The following ADAMTSL1 variants were observed in gnomAD, a reference collection of about 807,000 sequenced individuals.
ADAMTSL1 encodes the protein ADAMTS like 1.
Under a neutral mutation model 201.8 loss-of-function variants are expected in ADAMTSL1, and 126 were observed. That is an observed-to-expected ratio of 0.62 (90% CI 0.54 to 0.72). The LOEUF is 0.72. Among genes scored for constraint, ADAMTSL1 ranks in the 30% least tolerant of loss-of-function variants. The probability of loss-of-function intolerance (pLI) is 0.00; values close to 1 mark genes in which losing one functional copy is unlikely to be tolerated. For synonymous variants in ADAMTSL1, 1,121 were observed against 903.4 expected (o/e 1.24, Z -4.32); for missense variants, 2,679 against 2,277.8 (o/e 1.18, Z -3.59).
intron 8 of ADAMTSL1, among the ~76,000 whole-genome samples, chr9:18,660,937 A>C (rs1829052681): frequency 6.6e-6 from 1 of 152,178 alleles, no homozygotes; most frequent in Non-Finnish European, 1.5e-5. Context: ...TCCCTTAATG[A>C]TTTAAATCTT....
At chr9:18,529,530 A>G (rs148383821) in intron 2 of ADAMTSL1, among the ~76,000 whole-genome samples, 6 of 152,298 alleles carry the variant, frequency 3.9e-5, no homozygotes, top group Non-Finnish European at 7.4e-5. Context: ...TTAAATAGGA[A>G]TAATAAAATT....
intron 1 of ADAMTSL1, among the ~76,000 whole-genome samples, chr9:17,946,219 A>T (rs1403078049): frequency 6.6e-6 from 1 of 151,454 alleles, no homozygotes; most frequent in Non-Finnish European, 1.5e-5. Flanking sequence ...GGCTGGTCTC[A>T]AACTCCCGGG....
At chr9:18,730,963 T>C (rs1003396822) in intron 15 of ADAMTSL1, among the ~76,000 whole-genome samples, 1 of 152,368 alleles carries the variant, frequency 6.6e-6, no homozygotes, top group African/African-American at 2.4e-5. Context: ...TGACACTTAC[T>C]CCACTATTAG....
chr9:18,299,057 C>T (rs540907643), intron 2 of ADAMTSL1, among the ~76,000 whole-genome samples: 81 of 151,664 alleles, frequency 5.3e-4, no homozygotes, highest in African/African-American at 1.8e-3. Flanking sequence ...GCCGTTTTTG[C>T]TAAGCAACAT....
At chr9:18,094,449 C>T (rs1294251326) in intron 1 of ADAMTSL1, among the ~76,000 whole-genome samples, 1 of 152,158 alleles carries the variant, frequency 6.6e-6, no homozygotes, top group Non-Finnish European at 1.5e-5. Flanking sequence ...CCCATACACC[C>T]TTCACTAATG....
chr9:18,504,325 G>A (rs1240122025), intron 1 of ADAMTSL1, among the ~76,000 whole-genome samples: 1 of 152,172 alleles, frequency 6.6e-6, no homozygotes, highest in Admixed American at 6.5e-5. Context: ...TATTTGTATA[G>A]TTATTCCAAC....
chr9:18,760,583 C>T (rs1467275019), intron 16 of ADAMTSL1, among the ~76,000 whole-genome samples: 1 of 152,182 alleles, frequency 6.6e-6, no homozygotes, highest in African/African-American at 2.4e-5. Context: ...CCTATGCTGC[C>T]TGAGTCATTT....
At chr9:18,492,912 G>A (rs2131863260) in intron 1 of ADAMTSL1, among the ~76,000 whole-genome samples, 1 of 152,196 alleles carries the variant, frequency 6.6e-6, no homozygotes, top group East Asian at 1.9e-4. Context: ...TCCCTGTTTA[G>A]AAGTTTTTGC....
intron 4 of ADAMTSL1, among the ~76,000 whole-genome samples, chr9:18,577,408 C>T (rs1359828676): frequency 6.6e-6 from 1 of 152,146 alleles, no homozygotes; most frequent in Non-Finnish European, 1.5e-5. Flanking sequence ...ATGGCTTAAA[C>T]CTGGGAGGCA....
intron 2 of ADAMTSL1, among the ~76,000 whole-genome samples, chr9:18,287,814 G>A (rs1217113457): frequency 6.9e-6 from 1 of 145,656 alleles, no homozygotes; most frequent in Admixed American, 7.1e-5. Flanking sequence ...GAACCATAGT[G>A]GAACACTAAT....
At chr9:18,537,398 G>T (rs1819840182) in intron 3 of ADAMTSL1, among the ~76,000 whole-genome samples, 1 of 152,174 alleles carries the variant, frequency 6.6e-6, no homozygotes, top group Non-Finnish European at 1.5e-5. Context: ...TAGTGCAAAG[G>T]CTGTGAAGTA....
chr9:18,673,940 T>A (rs960556564), intron 9 of ADAMTSL1, among the ~76,000 whole-genome samples: 5 of 152,070 alleles, frequency 3.3e-5, no homozygotes, highest in Middle Eastern at 3.4e-3. Context: ...GAAAAAAAAA[T>A]TCCCTTTATT....
rs559774555 is a variant in ADAMTSL1 at position 18,092,319 on chromosome 9, C to T, written c.88-71543C>T. Among the ~76,000 whole-genome samples the T allele has an allele frequency of 3.3e-5, 5 of 151,974 alleles. No individual in the cohort carries two copies. In the East Asian group the frequency reaches 5.8e-4, roughly 18 times the overall value. On this transcript the variant is annotated intron_variant, in intron 1 of 29. Coordinates refer to the ADAMTSL1 transcript ENST00000680146. ...GACAGAGATTATCTCTCTGGGAAGG[C>T]GAGGAAGGCTTCGCAAAGGAAGTGA...
chr9:18,622,235 C>A lies in ADAMTSL1; in HGVS notation c.475-8C>A, dbSNP rs1387211013. ...TTGGTTGAATTACACATCTCTCTTT[C>A]TTGTTAGATTGTTGGCTGCGATCAC... On this transcript the variant is annotated splice_region_variant and splice_polypyrimidine_tract_variant and intron_variant, in intron 4 of 28. Transcript: ENST00000380548. The A allele has an allele frequency of 6.2e-6, 10 of 1,613,274 alleles. No individual in the cohort carries two copies. In the East Asian group the frequency reaches 2.2e-4, roughly 36 times the overall value.
At chr9:18,323,473 C>G (rs914699078) in intron 2 of ADAMTSL1, among the ~76,000 whole-genome samples, 1 of 151,942 alleles carries the variant, frequency 6.6e-6, no homozygotes, top group Non-Finnish European at 1.5e-5. Context: ...TAAATTAGAG[C>G]AAATCAAGGA....
chr9:18,405,494 G>A (rs1818152740), intron 2 of ADAMTSL1, among the ~76,000 whole-genome samples: 1 of 151,952 alleles, frequency 6.6e-6, no homozygotes, highest in Non-Finnish European at 1.5e-5. Flanking sequence ...TTTGGCATTG[G>A]GCCACCCTGG....
chr9:18,702,185 A>C (rs552542743), intron 13 of ADAMTSL1, among the ~76,000 whole-genome samples: 1 of 152,308 alleles, frequency 6.6e-6, no homozygotes, highest in East Asian at 1.9e-4. Flanking sequence ...ATCTCCCATC[A>C]GGTCCCTCCC....
At chr9:18,597,405 A>C (rs1399407691) in intron 4 of ADAMTSL1, among the ~76,000 whole-genome samples, 1 of 152,140 alleles carries the variant, frequency 6.6e-6, no homozygotes, top group East Asian at 1.9e-4. Flanking sequence ...AATTATTTCA[A>C]CTCTCTCTAT....
intron 23 of ADAMTSL1, among the ~76,000 whole-genome samples, chr9:18,855,956 C>T (rs1826817959): frequency 6.6e-6 from 1 of 152,174 alleles, no homozygotes; most frequent in African/African-American, 2.4e-5. Context: ...ATGACCATGG[C>T]ACTCTTACAT....
Sources: gnomAD v4.1 joint callset for allele counts (sites outside exome capture counted in the v4.1 genomes callset) on GRCh38, gnomAD v4.1.1 for gene constraint, MANE v1.5 for transcripts, NCBI Gene and HGNC (gene_info 2026-07-23, HGNC 2026-07-21) for gene names.